The following HMGCLL1 variants were observed in gnomAD, a reference collection of about 807,000 sequenced individuals.
HMGCLL1 encodes the protein 3-hydroxy-3-methylglutaryl-CoA lyase like 1.
In HMGCLL1, 36 loss-of-function variants were observed where a neutral mutation model predicts 39.1. The observed-to-expected ratio is 0.92, with a 90% CI of 0.71 to 1.22. The LOEUF (loss-of-function observed/expected upper bound fraction) is 1.22. Among genes scored for constraint, HMGCLL1 ranks in the 50% most tolerant of loss-of-function variants. The pLI is 0.00. For missense variants in HMGCLL1, 451 were observed against 416.5 expected (o/e 1.08, Z -0.72); for synonymous variants, 149 against 144.0 (o/e 1.03, Z -0.25).
chr6:55,437,879 A>G (rs1240723996), intron 8 of HMGCLL1, among the ~76,000 whole-genome samples: 1 of 152,066 alleles, frequency 6.6e-6, no homozygotes, highest in Non-Finnish European at 1.5e-5. Context: ...CAACCAAAAT[A>G]TTTTAAAGTC....
At chr6:55,625,824 A>G in the HMGCLL1 span, among the ~76,000 whole-genome samples, 1 of 152,170 alleles carries the variant, frequency 6.6e-6, no homozygotes, top group Non-Finnish European at 1.5e-5. Context: ...AACTGTGAAG[A>G]TAATTGTATC....
chr6:55,647,728 CA>C, the HMGCLL1 span, among the ~76,000 whole-genome samples: 1 of 124,014 alleles, frequency 8.1e-6, no homozygotes, highest in Non-Finnish European at 1.7e-5. Context: ...AGTTTCTCTT[CA>C]TGTCTTTTTT....
At chr6:55,648,258 G>A in the HMGCLL1 span, among the ~76,000 whole-genome samples, 11 of 151,388 alleles carry the variant, frequency 7.3e-5, 1 homozygote, top group African/African-American at 2.7e-4. Flanking sequence ...ATAGCAGCAT[G>A]ATTTATACTC....
the HMGCLL1 span, among the ~76,000 whole-genome samples, chr6:55,641,760 A>C: frequency 3.6e-4 from 54 of 151,884 alleles, no homozygotes; most frequent in Admixed American, 2.0e-3. Context: ...AGAAAATCAA[A>C]TCTGTTTCCT....
intron 1 of HMGCLL1, among the ~76,000 whole-genome samples, chr6:55,571,316 T>A (rs1194200724): frequency 6.6e-6 from 1 of 152,198 alleles, no homozygotes. Flanking sequence ...ATTTGAAGAA[T>A]CATGGTGTAA....
At chr6:55,545,454 T>C (rs1269823052) in intron 1 of HMGCLL1, among the ~76,000 whole-genome samples, 1 of 152,170 alleles carries the variant, frequency 6.6e-6, no homozygotes, top group Non-Finnish European at 1.5e-5. Context: ...GAATCTAATG[T>C]TACTATTTAG....
the HMGCLL1 span, among the ~76,000 whole-genome samples, chr6:55,671,673 G>C: frequency 4.0e-5 from 6 of 151,874 alleles, no homozygotes; most frequent in African/African-American, 1.4e-4. Context: ...AGAACTACGT[G>C]GAGTTAGGTA....
upstream of HMGCLL1, among the ~76,000 whole-genome samples, chr6:55,583,450 G>GT (rs932300613): frequency 1.6e-4 from 24 of 152,034 alleles, no homozygotes; most frequent in African/African-American, 5.3e-4. Flanking sequence ...GCAGTGTTTG[G>GT]TTTTTTGTCC....
the HMGCLL1 span, among the ~76,000 whole-genome samples, chr6:55,648,025 T>C: frequency 5.6e-5 from 7 of 126,074 alleles, no homozygotes; most frequent in Non-Finnish European, 1.1e-4. Context: ...CGGTGTTTGG[T>C]TTTTTGTTCT....
At chr6:55,582,144 A>AT (rs1437150614), upstream of HMGCLL1, among the ~76,000 whole-genome samples, 36 of 152,280 alleles carry the variant, frequency 2.4e-4, no homozygotes, top group Admixed American at 1.2e-3. Flanking sequence ...TAGATTATCT[A>AT]TGATGGGAGC....
At chr6:55,617,060 C>A in the HMGCLL1 span, among the ~76,000 whole-genome samples, 1 of 151,936 alleles carries the variant, frequency 6.6e-6, no homozygotes, top group African/African-American at 2.4e-5. Context: ...TTTACTTTCA[C>A]GGGTATGTGT....
intron 5 of HMGCLL1, among the ~76,000 whole-genome samples, chr6:55,505,977 C>G (rs1005188857): frequency 1.3e-5 from 2 of 151,678 alleles, no homozygotes; most frequent in African/African-American, 2.4e-5. Context: ...ATCCATTTCA[C>G]CAATGGAAAA....
intron 6 of HMGCLL1, 118 bp from the exon 7 acceptor site, chr6:55,495,725 G>A (rs533831022): frequency 1.7e-6 from 1 of 583,266 alleles, no homozygotes; most frequent in Non-Finnish European, 2.9e-6. Context: ...TAATGTCCAT[G>A]AAAAATATAT....
At chr6:55,460,373 C>A (rs563109730) in intron 7 of HMGCLL1, among the ~76,000 whole-genome samples, 1 of 151,912 alleles carries the variant, frequency 6.6e-6, no homozygotes, top group East Asian at 1.9e-4. Flanking sequence ...TGTATACAAC[C>A]AATTTATTTC....
At chr6:55,463,044 T>TTTTTTGTTTTTTTTTTTTTTTTTTG (rs1764647436) in intron 7 of HMGCLL1, among the ~76,000 whole-genome samples, 1 of 139,764 alleles carries the variant, frequency 7.2e-6, no homozygotes. Flanking sequence ...TTTTTTTTTT[T>TTTTTTGTTTTTTTTTTTTTTTTTTG]TTCTGAGATG....
At chr6:55,609,914 G>A in the HMGCLL1 span, among the ~76,000 whole-genome samples, 1 of 152,042 alleles carries the variant, frequency 6.6e-6, no homozygotes, top group Admixed American at 6.6e-5. Flanking sequence ...GGCCCGAAGT[G>A]AACCCCCAGC....
chr6:55,533,872 C>G (rs1343989178), intron 3 of HMGCLL1, among the ~76,000 whole-genome samples: 1 of 89,390 alleles, frequency 1.1e-5, no homozygotes, highest in East Asian at 3.5e-4. Context: ...GGCGACAGAG[C>G]GAGACTCCGT....
chr6:55,460,672 GTA>G (rs1438904964), intron 7 of HMGCLL1, among the ~76,000 whole-genome samples: 1 of 151,808 alleles, frequency 6.6e-6, no homozygotes, highest in Admixed American at 6.6e-5. Context: ...GCTTAAAATT[GTA>G]TATGTTTATC....
chr6:55,546,022 T>C (rs1420763743), intron 1 of HMGCLL1, among the ~76,000 whole-genome samples: 1 of 152,104 alleles, frequency 6.6e-6, no homozygotes, highest in African/African-American at 2.4e-5. Flanking sequence ...TACCTGCCCT[T>C]TGCCTTAGAG....
Sources: gnomAD v4.1 joint callset for allele counts (sites outside exome capture counted in the v4.1 genomes callset) on GRCh38, gnomAD v4.1.1 for gene constraint, MANE v1.5 for transcripts, NCBI Gene and HGNC (gene_info 2026-07-23, HGNC 2026-07-21) for gene names.